The following IBTK variants were observed in gnomAD, a reference collection of about 807,000 sequenced individuals.
IBTK encodes the protein BTK-binding protein.
IBTK carries 83 observed loss-of-function variants against 154.9 expected under a neutral mutation model. The observed-to-expected ratio is 0.54, with a 90% CI of 0.45 to 0.64. The LOEUF (loss-of-function observed/expected upper bound fraction) is 0.64. Among genes scored for constraint, IBTK ranks in the 30% least tolerant of loss-of-function variants. The probability of loss-of-function intolerance (pLI) is 0.00; values close to 1 mark genes in which losing one functional copy is unlikely to be tolerated. For synonymous variants in IBTK, 515 were observed against 536.1 expected (o/e 0.96, Z 0.54); for missense variants, 1,332 against 1,584.6 (o/e 0.84, Z 2.71).
At chr6:82,216,717 G>A (rs1039196302) in intron 10 of IBTK, among the ~76,000 whole-genome samples, 9 of 151,988 alleles carry the variant, frequency 5.9e-5, no homozygotes, top group South Asian at 4.2e-4. Flanking sequence ...AAATATGTGC[G>A]TAACCAAACT....
Position 82,240,505 on chromosome 6 carries a change from A to G in IBTK, c.-19T>C, listed in dbSNP as rs774556641. 2 of 1,591,494 alleles carry G rather than the reference A, an allele frequency of 1.3e-6. No individual in the cohort carries two copies. Among genetic ancestry groups the G allele is most frequent in the Non-Finnish European group, 1.7e-6 (2 of 1,167,570 alleles). On this transcript the variant is annotated 5_prime_UTR_variant, in exon 2 of 29. Coordinates refer to ENST00000306270, the MANE Select transcript of IBTK (RefSeq NM_015525.4). The stretch of plus-strand genomic sequence containing the variant: ...AACTCATCCTAACTGTTTTTATACC[A>G]CTTACTTCAGAATCGTGAAAACTAA...
At position 82,202,550 on chromosome 6, in the gene IBTK, T is replaced by C. The variant is rs1582211574; in HGVS notation, c.2707A>G (p.Met903Val). 3.1e-6 allele frequency: 5 copies of C among 1,605,738 alleles called. No individual in the cohort carries two copies. The highest frequency in any genetic ancestry group is 4.3e-6 in the Non-Finnish European group (5 of 1,174,682). Residue 903 changes from methionine (M) to valine (V), a missense_variant, in exon 18 of 29, where the codon ATG becomes GTG. Transcript: ENST00000306270. ...TACCTTGCTTCAAGTAAAGCTGCCA[T>C]ATTCAATCCTATAAACTGTAAACAA... ...LSCLQFIGLNMAALLEARSLD... is the reference protein window; with the variant it reads ...LSCLQFIGLNVAALLEARSLD...
chr6:82,247,377 G>C (rs547726403), intron 1 of IBTK, among the ~76,000 whole-genome samples, 185 bp downstream of exon 1: 1 of 152,218 alleles, frequency 6.6e-6, no homozygotes, highest in African/African-American at 2.4e-5. Context: ...CTGGCCACTC[G>C]GCCCTCTCCG....
At chr6:82,173,805 T>C (rs1174506250) in intron 26 of IBTK, among the ~76,000 whole-genome samples, 1 of 151,894 alleles carries the variant, frequency 6.6e-6, no homozygotes, top group Admixed American at 6.6e-5. Context: ...AATATGATCT[T>C]TACCTTCTAA....
chr6:82,187,753 T>C (rs1768606358), intron 25 of IBTK, among the ~76,000 whole-genome samples: 1 of 152,188 alleles, frequency 6.6e-6, no homozygotes, highest in African/African-American at 2.4e-5. Flanking sequence ...TTTCAGTTTA[T>C]TTAAGGAGGG....
intron 10 of IBTK, among the ~76,000 whole-genome samples, chr6:82,216,879 A>G (rs1175659129): frequency 6.6e-6 from 1 of 152,190 alleles, no homozygotes; most frequent in Non-Finnish European, 1.5e-5. Flanking sequence ...AAGGTAAAGG[A>G]TATAGTGCTT....
chr6:82,246,404 C>T (rs1201232907), intron 1 of IBTK, among the ~76,000 whole-genome samples: 5 of 151,040 alleles, frequency 3.3e-5, no homozygotes, highest in African/African-American at 4.9e-5. Flanking sequence ...AGTGATCCGC[C>T]CACCTTGGCC....
chr6:82,190,045 T>C (rs1054178220), intron 25 of IBTK, among the ~76,000 whole-genome samples: 1 of 152,146 alleles, frequency 6.6e-6, no homozygotes, highest in Non-Finnish European at 1.5e-5. Flanking sequence ...TGATAAATTT[T>C]AAAATTCTGC....
chr6:82,197,455 C>A (rs1004468651), intron 21 of IBTK, among the ~76,000 whole-genome samples: 2 of 150,798 alleles, frequency 1.3e-5, no homozygotes, highest in Admixed American at 1.3e-4. Flanking sequence ...ACTGCAACCT[C>A]CACCTCCAGG....
At chr6:82,181,201 G>A (rs1768306711) in intron 26 of IBTK, among the ~76,000 whole-genome samples, 1 of 152,012 alleles carries the variant, frequency 6.6e-6, no homozygotes. Context: ...ACCAGCCTGG[G>A]CAACATAATG....
chr6:82,194,752 A>AT, intron 22 of IBTK, 110 bp from the exon 23 acceptor site: 6 of 730,720 alleles, frequency 8.2e-6, no homozygotes, highest in Non-Finnish European at 9.6e-6. Flanking sequence ...ATAAAATCTT[A>AT]TGACAATAAG....
intron 22 of IBTK, among the ~76,000 whole-genome samples, chr6:82,195,556 C>T (rs1768952389): frequency 6.6e-6 from 1 of 151,726 alleles, no homozygotes; most frequent in Non-Finnish European, 1.5e-5. Context: ...CCAGCCTAGG[C>T]AACCAGAGTG....
At position 82,214,451 on chromosome 6, in the gene IBTK, A is replaced by T. The variant is rs1769789140; in HGVS notation, c.1980T>A (p.Tyr660Ter). 6.2e-7 allele frequency: 1 copy of T among 1,613,876 alleles called. No individual in the cohort carries two copies. The highest frequency in any genetic ancestry group is 8.5e-7 in the Non-Finnish European group (1 of 1,179,932). ...TCAAATGAGAATTCAGAGTTCCCTG[A>T]TATTCTTCTGGGTTTTTGTTTAAGT... The part of the protein sequence containing the change: ...RIHLNKNPEE[Y>*]QGTLNSHLNK... Residue 660 changes from tyrosine (Y) to a stop codon, truncating the protein, a stop_gained, in exon 12 of 29, where the codon TAT becomes TAA. Transcript: ENST00000306270. LOFTEE classifies it high-confidence loss of function.
Position 82,234,221 on chromosome 6 carries a change from C to A in IBTK, c.356G>T (p.Gly119Val). Residue 119 changes from glycine (G) to valine (V), a missense_variant, in exon 3 of 29, where the codon GGC becomes GTC. Transcript: ENST00000306270. The stretch of plus-strand genomic sequence containing the variant: ...CATTACAAGATCCAAAGCTGACAAG[C>A]CTTCTTTATCTTGAATATACAGACT... Reference protein sequence around the residue: ...GVSLYIQDKEGLSALDLVMKD... With the variant: ...GVSLYIQDKEVLSALDLVMKD... The A allele has an allele frequency of 1.9e-6, 3 of 1,602,484 alleles. No individual in the cohort carries two copies. Among genetic ancestry groups the A allele is most frequent in the Non-Finnish European group, 1.7e-6 (2 of 1,172,054 alleles).
chr6:82,173,667 A>G, intron 26 of IBTK: 1 of 189,664 alleles, frequency 5.3e-6, no homozygotes, highest in Non-Finnish European at 8.7e-6. Context: ...GCCTATTTCT[A>G]ATAATAAATA....
intron 25 of IBTK, among the ~76,000 whole-genome samples, chr6:82,189,735 C>T (rs1225541908): frequency 2.0e-5 from 3 of 152,200 alleles, no homozygotes; most frequent in African/African-American, 4.8e-5. Context: ...AACTTTCACT[C>T]GTTCACTTTT....
intron 26 of IBTK, among the ~76,000 whole-genome samples, chr6:82,178,019 T>G (rs1216922560): frequency 1.3e-5 from 2 of 152,226 alleles, no homozygotes; most frequent in Non-Finnish European, 2.9e-5. Flanking sequence ...TTAATGAATA[T>G]TTTAGTTTGT....
chr6:82,197,003 G>C (rs528228264), intron 21 of IBTK, among the ~76,000 whole-genome samples: 7 of 152,160 alleles, frequency 4.6e-5, no homozygotes, highest in African/African-American at 1.7e-4. Flanking sequence ...TGGCTATTGA[G>C]AGCTCGCTTG....
intron 17 of IBTK, 83 bp from the exon 18 acceptor site, chr6:82,202,728 T>A: frequency 1.4e-6 from 1 of 713,854 alleles, no homozygotes; most frequent in Non-Finnish European, 2.3e-6. Context: ...TCTAAAGCTG[T>A]ACGATTTGAA....
Sources: allele counts gnomAD v4.1 joint callset (sites outside exome capture counted in the v4.1 genomes callset), GRCh38; gene constraint gnomAD v4.1.1; transcripts MANE v1.5; gene names NCBI Gene and HGNC (gene_info 2026-07-23, HGNC 2026-07-21).